The following CECR2 variants were observed in gnomAD, a reference collection of about 807,000 sequenced individuals.
CECR2 encodes CECR2 histone acetyl-lysine reader.
A neutral mutation model predicts 154.5 loss-of-function variants in CECR2; 30 were observed. The ratio of observed to expected loss-of-function variants is 0.19; its 90% confidence interval spans 0.15 to 0.26. The LOEUF (loss-of-function observed/expected upper bound fraction) is 0.26, where lower values mean the gene tolerates loss of function less well. Ranked by LOEUF, CECR2 falls within the 10% of genes least tolerant of loss-of-function variation. The pLI, the probability that CECR2 is intolerant of heterozygous loss-of-function variation, is 1.00. For synonymous variants in CECR2, 725 were observed against 683.7 expected, an observed-to-expected ratio of 1.06 and a Z score of -0.94; for missense variants, 1,743 against 1,829.3, an observed-to-expected ratio of 0.95 and a Z score of 0.86.
At chr22:17,535,019 C>T (rs1324855417) in intron 9 of CECR2, among the ~76,000 whole-genome samples, 5 of 151,776 alleles carry the variant, frequency 3.3e-5, no homozygotes, top group South Asian at 2.1e-4. Flanking sequence ...GGCGTGGTGG[C>T]GGGTGCCTGT....
chr22:17,417,012 T>C (rs1452117575), intron 1 of CECR2, among the ~76,000 whole-genome samples: 1 of 139,278 alleles, frequency 7.2e-6, no homozygotes, highest in Non-Finnish European at 1.5e-5. Flanking sequence ...ATCAACATTG[T>C]CAGATTCTTT....
intron 1 of CECR2, among the ~76,000 whole-genome samples, chr22:17,439,883 C>A (rs541175088): frequency 6.6e-6 from 1 of 151,970 alleles, no homozygotes; most frequent in Non-Finnish European, 1.5e-5. Context: ...ACCTGCGTAC[C>A]GTGGAGTATT....
At chr22:17,391,042 T>C (rs2063320483) in intron 1 of CECR2, among the ~76,000 whole-genome samples, 1 of 152,242 alleles carries the variant, frequency 6.6e-6, no homozygotes, top group South Asian at 2.1e-4. Flanking sequence ...CCACATTGGC[T>C]GAACCATTTG....
rs144300602 is a variant in CECR2 at position 17,462,781 on chromosome 22, C to G, written c.127-14807C>G. Among the ~76,000 whole-genome samples the G allele has an allele frequency of 4.5e-3, 678 of 152,146 alleles. 1 individual carries two copies. Among genetic ancestry groups the G allele is most frequent in the Non-Finnish European group, 6.0e-3 (405 of 67,996 alleles). On this transcript the variant is annotated intron_variant, in intron 1 of 18. Coordinates refer to ENST00000262608, the MANE Select transcript of CECR2 (RefSeq NM_001290047.2). The stretch of plus-strand genomic sequence containing the variant: ...ATCAAAAATCAGCTGGGTGTGGTGG[C>G]GAGCACCTGTAATCCCATCTACTCA...
intron 1 of CECR2, among the ~76,000 whole-genome samples, chr22:17,398,354 ATGAGGGT>A (rs758763016): frequency 1.1e-4 from 17 of 152,278 alleles, no homozygotes; most frequent in Middle Eastern, 3.4e-3. Flanking sequence ...GGAAAATTAA[ATGAGGGT>A]TGAGTCTGGG....
intron 6 of CECR2, among the ~76,000 whole-genome samples, chr22:17,503,632 T>C (rs1417489423): frequency 6.6e-6 from 1 of 152,232 alleles, no homozygotes; most frequent in Non-Finnish European, 1.5e-5. Context: ...TTCTAGACTG[T>C]GAATATCTAT....
intron 1 of CECR2, among the ~76,000 whole-genome samples, chr22:17,430,478 C>T (rs139029957): frequency 3.9e-5 from 6 of 152,258 alleles, no homozygotes; most frequent in African/African-American, 1.4e-4. Context: ...TCATCACACT[C>T]AATTATCTCT....
At chr22:17,543,519 ACT>A (rs1601544616) in intron 16 of CECR2, among the ~76,000 whole-genome samples, 1 of 146,244 alleles carries the variant, frequency 6.8e-6, no homozygotes, top group African/African-American at 2.5e-5. Context: ...CATAATTTTG[ACT>A]CTGCGCAGGT....
chr22:17,499,501 A>G lies in CECR2; in HGVS notation c.497A>G (p.Lys166Arg). 2 of 1,613,808 alleles carry G rather than the reference A, an allele frequency of 1.2e-6. No individual in the cohort carries two copies. The change falls in exon 4 of 19, where the codon AAA becomes AGA. Residue 166 changes from lysine to arginine, a missense_variant. Physicochemically the swap from Lys to Arg is conservative, Grantham distance 26 (BLOSUM62 2). Around this residue, in one of 4 missense-constraint regions of CECR2, gnomAD observed 98 missense variants for 169.3 expected, o/e 0.58. Transcript: ENST00000262608. ...TATTTCTATGGAACACGAATGTACA[A>G]AGAGGACCCGGTGCAAGGAAAATCC... ...YWYFYGTRMY[K>R]EDPVQGKSNG...
In CECR2 at chr22:17,542,656, G is replaced by A. The variant is rs1452227691; in HGVS notation, c.2513G>A (p.Gly838Glu). The A allele has an allele frequency of 6.2e-7, 1 of 1,613,934 alleles. No homozygotes were observed. The highest frequency in any genetic ancestry group is 1.1e-5 in the South Asian group (1 of 91,080). ...GFLPHGVPSS[G>E]YMRPPCKSAG... ...CTACCTCATGGAGTTCCTTCCTCAG[G>A]GTACATGCGACCGCCCTGCAAGTCT... Residue 838 changes from glycine (G) to glutamate (E), a missense_variant, in exon 16 of 19, where the codon GGG becomes GAG. Around this residue, in one of 4 missense-constraint regions of CECR2, gnomAD observed 1,250 missense variants for 1,192.1 expected, o/e 1.05. Coordinates refer to ENST00000262608, the MANE Select transcript of CECR2 (RefSeq NM_001290047.2).
At chr22:17,383,453 T>C (rs1007096646) in intron 1 of CECR2, among the ~76,000 whole-genome samples, 1 of 152,192 alleles carries the variant, frequency 6.6e-6, no homozygotes, top group Non-Finnish European at 1.5e-5. Flanking sequence ...CTAAATCTTT[T>C]GTTGTCATTT....
At chr22:17,465,078 G>A (rs919417849) in intron 1 of CECR2, among the ~76,000 whole-genome samples, 1 of 146,928 alleles carries the variant, frequency 6.8e-6, no homozygotes, top group African/African-American at 2.5e-5. Flanking sequence ...CTCACTGCAA[G>A]CCCCGCCTCC....
intron 1 of CECR2, among the ~76,000 whole-genome samples, chr22:17,370,995 C>G (rs1266631714): frequency 1.3e-5 from 2 of 152,102 alleles, no homozygotes; most frequent in Non-Finnish European, 2.9e-5. Flanking sequence ...ACGCAGTAAT[C>G]AAAATTAGAG....
In CECR2 at chr22:17,549,552, A is replaced by C. The variant is rs764840527; in HGVS notation, c.4265A>C (p.Tyr1422Ser). 3.8e-6 allele frequency: 6 copies of C among 1,590,042 alleles called. No homozygotes were observed. The African/African-American group carries it at 6.7e-5, about 18-fold the overall frequency. Residue 1422 changes from tyrosine (Y) to serine (S), a missense_variant, in exon 17 of 19, where the codon TAC becomes TCC. Physicochemically the swap from Tyr to Ser is moderately radical, Grantham distance 144. This residue lies in a region of CECR2 where 1,250 missense variants were observed against 1,192.1 expected (regional missense o/e 1.05). Coordinates refer to ENST00000262608, the MANE Select transcript of CECR2 (RefSeq NM_001290047.2). ...ATAAGAGGACCTTTCCAGGAAATGT[A>C]CAGACCATCAGGGTAAGATTGCATT... is the stretch of plus-strand genomic sequence containing the variant. Reference protein sequence around the residue: ...SGIRGPFQEMYRPSGMQMHPV... With the variant: ...SGIRGPFQEMSRPSGMQMHPV...
intron 10 of CECR2, 149 bp from the exon 11 acceptor site, chr22:17,538,371 G>T: frequency 1.4e-6 from 1 of 715,970 alleles, no homozygotes; most frequent in East Asian, 2.5e-5. Flanking sequence ...TTTCCAGGGA[G>T]TGTTATCAGT....
chr22:17,552,942 C>T lies in CECR2; in HGVS notation c.*102C>T, dbSNP rs142564125. Reference sequence around the variant, plus strand: ...GTCAGCTCTATTCCCATCACCTGCTCCACCCCTTCACGGCGACCCACTCGT... The same window carrying T: ...GTCAGCTCTATTCCCATCACCTGCTTCACCCCTTCACGGCGACCCACTCGT... On this transcript the variant is annotated 3_prime_UTR_variant, in exon 19 of 19. Transcript: ENST00000262608. 0.013 allele frequency: 20,199 copies of T among 1,515,830 alleles called. 182 individuals are homozygous for T. The highest frequency in any genetic ancestry group is 0.015 in the Non-Finnish European group (16,967 of 1,135,152). 93.9% of individuals were successfully genotyped at this position (1,515,830 alleles called of 1,614,324 possible).
chr22:17,538,455 C>A, intron 10 of CECR2, 65 bp from the exon 11 acceptor site: 1 of 1,439,144 alleles, frequency 6.9e-7, no homozygotes, highest in Non-Finnish European at 9.8e-7. Context: ...CTGCGATAGA[C>A]CTGAGAGAGC....
rs371599329 is a variant in CECR2 at position 17,549,380 on chromosome 22, T to A, written c.4093T>A (p.Ser1365Thr). 4 of 1,613,696 alleles carry A rather than the reference T, an allele frequency of 2.5e-6. No individual in the cohort carries two copies. Among genetic ancestry groups the A allele is most frequent in the Non-Finnish European group, 3.4e-6 (4 of 1,179,862 alleles). Reference sequence around the variant, plus strand: ...TCACTTTCAGCCCAGGGCTTACTCTTCCCCTGTGGCTGCCCTCCCACCTCA... The same window carrying A: ...TCACTTTCAGCCCAGGGCTTACTCTACCCCTGTGGCTGCCCTCCCACCTCA... ...ASHFQPRAYS[S>T]PVAALPPHHP... Residue 1365 changes from serine (S) to threonine (T), a missense_variant, in exon 17 of 19, where the codon TCC becomes ACC. Transcript: ENST00000262608.
Position 17,500,752 on chromosome 22 carries a change from A to G in CECR2, c.650+17A>G, listed in dbSNP as rs553635038. ...TCTGTTGAGGTAAGAAAATCTTGTTAGTTGTGGTCATAGACCATGGCAGAA... is the reference window on the plus strand; with the variant it reads ...TCTGTTGAGGTAAGAAAATCTTGTTGGTTGTGGTCATAGACCATGGCAGAA... On this transcript the variant is annotated intron_variant, in intron 5 of 18. Transcript: ENST00000262608. 3.4e-5 allele frequency: 51 copies of G among 1,507,826 alleles called. No homozygotes were observed. The highest frequency in any genetic ancestry group is 8.1e-5 in the Admixed American group (4 of 49,210). The allele number at this position is 1,507,826 out of a possible 1,614,324, so 93.4% of individuals were successfully genotyped here.
Sources: gnomAD v4.1 joint callset for allele counts (sites outside exome capture counted in the v4.1 genomes callset) on GRCh38, gnomAD v4.1.1 for gene constraint, gnomAD v4.1.1 regional missense constraint, MANE v1.5 for transcripts, NCBI Gene and HGNC (gene_info 2026-07-23, HGNC 2026-07-21) for gene names.